Variants in TSHZ2 observed in about 807,000 individuals in gnomAD.
The protein encoded by TSHZ2 is teashirt homolog 2.
TSHZ2 carries 21 observed loss-of-function variants against 74.4 expected under a neutral mutation model. That is an observed-to-expected ratio of 0.28 (90% confidence interval 0.20 to 0.41). TSHZ2 has a LOEUF of 0.41. Ranked by LOEUF, TSHZ2 falls within the 10% of genes least tolerant of loss-of-function variation. TSHZ2 has a pLI of 1.00. For missense variants in TSHZ2, 1,244 were observed against 1,293.5 expected (o/e 0.96, Z 0.59); for synonymous variants, 540 against 515.3 (o/e 1.05, Z -0.65).
At chr20:53,179,571 C>T (rs975493474) in intron 1 of TSHZ2, 1 of 152,196 alleles carries the variant, frequency 6.6e-6, no homozygotes, top group Non-Finnish European at 1.5e-5. Context: ...CCTGAGTAGG[C>T]TTACTGAGTG....
At chr20:53,213,567 G>A (rs182218239) in intron 1 of TSHZ2, among the ~76,000 whole-genome samples, 26 of 152,126 alleles carry the variant, frequency 1.7e-4, no homozygotes, top group African/African-American at 6.3e-4. Flanking sequence ...ACACACACAC[G>A]AGAGACAGAG....
intron 1 of TSHZ2, among the ~76,000 whole-genome samples, chr20:53,195,029 C>A (rs530309062): frequency 4.1e-4 from 62 of 152,270 alleles, no homozygotes; most frequent in Middle Eastern, 6.8e-3. Context: ...CCCTTTGTCA[C>A]CTTCGGGAAG....
At chr20:53,459,899 G>A (rs1473853924) in intron 2 of TSHZ2, among the ~76,000 whole-genome samples, 2 of 152,090 alleles carry the variant, frequency 1.3e-5, no homozygotes, top group African/African-American at 2.4e-5. Flanking sequence ...ACTCTTTCTG[G>A]CTTGTAGGGT....
intron 1 of TSHZ2, among the ~76,000 whole-genome samples, chr20:53,084,532 G>A (rs990388207): frequency 6.6e-6 from 1 of 152,076 alleles, no homozygotes; most frequent in African/African-American, 2.4e-5. Context: ...TTATAGGTGG[G>A]AATTTTTGAG....
intron 2 of TSHZ2, among the ~76,000 whole-genome samples, chr20:53,453,342 T>TC (rs1984885754): frequency 6.6e-6 from 1 of 152,208 alleles, no homozygotes; most frequent in South Asian, 2.1e-4. Context: ...ACTCCATTTT[T>TC]CTCTACGAAC....
At chr20:53,450,828 T>TTTTTC (rs1249710941) in intron 2 of TSHZ2, among the ~76,000 whole-genome samples, 1 of 152,202 alleles carries the variant, frequency 6.6e-6, no homozygotes, top group South Asian at 2.1e-4. Context: ...CTGGCCCACA[T>TTTTTC]TTTTCTTTCT....
At chr20:53,469,934 GCAGGCAGGCAGA>G (rs1183915953) in intron 2 of TSHZ2, among the ~76,000 whole-genome samples, 1 of 152,058 alleles carries the variant, frequency 6.6e-6, no homozygotes, top group East Asian at 1.9e-4. Flanking sequence ...AGGCAGGCAG[GCAGGCAGGCAGA>G]CACAACCCAG....
At chr20:53,441,255 A>G (rs1327520997) in intron 2 of TSHZ2, among the ~76,000 whole-genome samples, 1 of 145,576 alleles carries the variant, frequency 6.9e-6, no homozygotes, top group Non-Finnish European at 1.5e-5. Context: ...ATTTTATTTT[A>G]TTTTATTTTA....
intron 1 of TSHZ2, among the ~76,000 whole-genome samples, chr20:53,072,535 CA>C (rs1252683835): frequency 1.3e-5 from 2 of 152,160 alleles, no homozygotes; most frequent in African/African-American, 4.8e-5. Context: ...TTCCTCATTG[CA>C]ACATGAAAGG....
At chr20:53,479,685 T>C (rs577726838) in intron 2 of TSHZ2, among the ~76,000 whole-genome samples, 1 of 152,346 alleles carries the variant, frequency 6.6e-6, no homozygotes, top group South Asian at 2.1e-4. Flanking sequence ...TAGCCTCAGA[T>C]AATTATAAAA....
At chr20:53,203,573 C>A (rs186572595) in intron 1 of TSHZ2, among the ~76,000 whole-genome samples, 2 of 152,088 alleles carry the variant, frequency 1.3e-5, no homozygotes, top group East Asian at 3.9e-4. Context: ...ACATGAGAGG[C>A]TAAGAAGTGG....
At chr20:53,221,859 T>C (rs1245512738) in intron 1 of TSHZ2, among the ~76,000 whole-genome samples, 2 of 152,204 alleles carry the variant, frequency 1.3e-5, no homozygotes, top group Non-Finnish European at 2.9e-5. Flanking sequence ...TCTGGACACA[T>C]TTAAAATTAT....
chr20:53,218,696 T>A (rs1365586689), intron 1 of TSHZ2, among the ~76,000 whole-genome samples: 3 of 152,228 alleles, frequency 2.0e-5, no homozygotes, highest in Non-Finnish European at 4.4e-5. Flanking sequence ...TTTGGGTCTT[T>A]CTTTTCATAA....
chr20:53,220,710 G>A (rs1989535116), intron 1 of TSHZ2, among the ~76,000 whole-genome samples: 1 of 152,202 alleles, frequency 6.6e-6, no homozygotes, highest in Non-Finnish European at 1.5e-5. Context: ...TGAGGGGCCG[G>A]TCATGCATCC....
chr20:53,355,027 A>G (rs1236030984), intron 2 of TSHZ2, among the ~76,000 whole-genome samples: 2 of 152,220 alleles, frequency 1.3e-5, no homozygotes, highest in Admixed American at 6.5e-5. Context: ...AAAATTGTTC[A>G]ATAGAATATG....
Position 53,194,275 on chromosome 20 carries a change from T to C in TSHZ2, c.41-59224T>C, listed in dbSNP as rs375902048. On this transcript the variant is annotated intron_variant, in intron 1 of 2. Transcript: ENST00000371497. The stretch of plus-strand genomic sequence containing the variant: ...TGGTAATGACCTTCATGAAAGAGGC[T>C]CAAACCCTGATTTGTAATCTCTAAG... Among the ~76,000 whole-genome samples, 10 of 152,196 alleles carry C rather than the reference T, an allele frequency of 6.6e-5. No individual in the cohort carries two copies. The East Asian group carries it at 1.5e-3, about 23-fold the overall frequency.
intron 1 of TSHZ2, among the ~76,000 whole-genome samples, chr20:53,121,258 T>C (rs1422323925): frequency 6.6e-6 from 1 of 152,204 alleles, no homozygotes; most frequent in Non-Finnish European, 1.5e-5. Flanking sequence ...TCAAATTGTC[T>C]TCCTTTAGAA....
intron 2 of TSHZ2, among the ~76,000 whole-genome samples, chr20:53,368,286 G>A (rs936536610): frequency 6.6e-6 from 1 of 151,530 alleles, no homozygotes; most frequent in Admixed American, 6.6e-5. Context: ...TGGACTCGAT[G>A]GTAATTTTTT....
At chr20:53,182,481 G>A (rs1229325608) in intron 1 of TSHZ2, among the ~76,000 whole-genome samples, 5 of 152,228 alleles carry the variant, frequency 3.3e-5, no homozygotes, top group Admixed American at 2.0e-4. Flanking sequence ...GGCGGGGTTT[G>A]CCCTCATGGC....
Sources: allele counts gnomAD v4.1 joint callset (sites outside exome capture counted in the v4.1 genomes callset), GRCh38; gene constraint gnomAD v4.1.1; transcripts MANE v1.5; gene names NCBI Gene and HGNC (gene_info 2026-07-23, HGNC 2026-07-21).